PCDHGB4: variants seen among roughly 807,000 people sequenced by gnomAD.
The protein encoded by PCDHGB4 is protocadherin gamma subfamily B, 4, also known as protocadherin gamma-B4.
PCDHGB4 carries 38 observed loss-of-function variants against 60.5 expected under a neutral mutation model. The observed-to-expected ratio is 0.63, with a 90% CI of 0.48 to 0.82. PCDHGB4 has a LOEUF of 0.82. PCDHGB4 is among the 40% of genes least tolerant of loss of function. The pLI, the probability that PCDHGB4 is intolerant of heterozygous loss-of-function variation, is 0.00. For missense variants in PCDHGB4, 1,109 were observed against 1,209.6 expected, an observed-to-expected ratio of 0.92 and a Z score of 1.23; for synonymous variants, 456 against 509.7, an observed-to-expected ratio of 0.89 and a Z score of 1.42.
At chr5:141,427,188 A>G (rs1346514063) in intron 1 of PCDHGB4, 1 of 456,744 alleles carries the variant, frequency 2.2e-6, no homozygotes, top group Admixed American at 2.3e-5. Flanking sequence ...AATTAAATCC[A>G]AAGACTTAAT....
At chr5:141,497,468 G>A (rs912445126) in intron 2 of PCDHGB4, among the ~76,000 whole-genome samples, 10 of 151,996 alleles carry the variant, frequency 6.6e-5, no homozygotes, top group African/African-American at 2.4e-4. Flanking sequence ...GAGATATGGA[G>A]GAGAAGGTGC....
intron 1 of PCDHGB4, among the ~76,000 whole-genome samples, chr5:141,455,783 T>G (rs1475277198): frequency 1.3e-5 from 2 of 152,066 alleles, no homozygotes; most frequent in Non-Finnish European, 2.9e-5. Context: ...AAAAGAAACT[T>G]TTCCGGAGAT....
rs752744809 is a variant in PCDHGB4, at chr5:141,393,680, T to C, written c.2397+3399T>C. On this transcript the variant is annotated intron_variant, in intron 1 of 3. Coordinates refer to ENST00000519479, the MANE Select transcript of PCDHGB4 (RefSeq NM_003736.4). The stretch of plus-strand genomic sequence containing the variant: ...TCCGGAAAATTAATGAAAAACAAAC[T>C]CCGTTATTCCAGCTTAATGAAAATA... 8 of 1,613,764 alleles carry C rather than the reference T, an allele frequency of 5.0e-6. No individual in the cohort carries two copies. The East Asian group carries it at 1.1e-4, about 22-fold the overall frequency.
At chr5:141,427,826 G>A (rs550161736) in intron 1 of PCDHGB4, 2 of 1,536,500 alleles carry the variant, frequency 1.3e-6, no homozygotes, top group Admixed American at 3.3e-5. Flanking sequence ...TGGTGGTCGC[G>A]CAGCGTGCCT....
At chr5:141,399,842 A>G (rs749737928) in intron 1 of PCDHGB4, 11 of 1,612,852 alleles carry the variant, frequency 6.8e-6, no homozygotes, top group Non-Finnish European at 8.5e-7. Flanking sequence ...GCGCTCTTCG[A>G]TATGGTGCCG....
chr5:141,406,159 A>G (rs1237857279), intron 1 of PCDHGB4, among the ~76,000 whole-genome samples: 3 of 151,234 alleles, frequency 2.0e-5, no homozygotes, highest in Non-Finnish European at 2.9e-5. Context: ...TGCAGTCTCA[A>G]TCTCCTGGGC....
At chr5:141,393,230 A>G (rs2092708331) in intron 1 of PCDHGB4, 1 of 1,613,764 alleles carries the variant, frequency 6.2e-7, no homozygotes, top group Non-Finnish European at 8.5e-7. Context: ...AAGATCTAGA[A>G]GTAAAAATTA....
chr5:141,409,756 C>G, intron 1 of PCDHGB4: 1 of 1,612,994 alleles, frequency 6.2e-7, no homozygotes, highest in Non-Finnish European at 8.5e-7. Context: ...TCGCGCAGCG[C>G]GCCTTTGATC....
At chr5:141,400,017 C>T in intron 1 of PCDHGB4, 1 of 1,612,778 alleles carries the variant, frequency 6.2e-7, no homozygotes. Context: ...CCTTGGGCGA[C>T]AGGGACGCGG....
chr5:141,393,111 C>A (rs762190466), intron 1 of PCDHGB4: 1 of 1,613,380 alleles, frequency 6.2e-7, no homozygotes, highest in African/African-American at 1.3e-5. Flanking sequence ...CGCTCAGAGC[C>A]CGCGGTGTCT....
At position 141,423,418 on chromosome 5, in the gene PCDHGB4, G is replaced by T. The variant is rs1236092057; in HGVS notation, c.2397+33137G>T. On this transcript the variant is annotated intron_variant, in intron 1 of 3. Transcript: ENST00000519479. ...GTCACGCCTGCTGCAGGCTTCTGAAGGCGGGTTGGCAGGTATGCCCACGTC... is the reference window on the plus strand; with the variant it reads ...GTCACGCCTGCTGCAGGCTTCTGAATGCGGGTTGGCAGGTATGCCCACGTC... 1.2e-6 allele frequency: 2 copies of T among 1,614,022 alleles called. No individual in the cohort carries two copies. Among genetic ancestry groups the T allele is most frequent in the South Asian group, 1.1e-5 (1 of 91,088 alleles).
intron 1 of PCDHGB4, chr5:141,408,193 C>T (rs1280310689): frequency 6.5e-7 from 1 of 1,545,210 alleles, no homozygotes; most frequent in Non-Finnish European, 8.7e-7. Flanking sequence ...AGCGAGAACC[C>T]GAGCGAACGA....
At chr5:141,395,088 C>G (rs778953049) in intron 1 of PCDHGB4, 31 of 1,614,076 alleles carry the variant, frequency 1.9e-5, no homozygotes, top group East Asian at 6.7e-5. Flanking sequence ...GGAAGTCTCC[C>G]TCACCGCCGA....
chr5:141,444,013 C>T (rs1226458485), intron 1 of PCDHGB4, among the ~76,000 whole-genome samples: 2 of 152,060 alleles, frequency 1.3e-5, no homozygotes, highest in Admixed American at 6.6e-5. Flanking sequence ...TGGGTATTGG[C>T]TTCTAAAAGG....
At chr5:141,423,120 G>A in intron 1 of PCDHGB4, 1 of 1,613,800 alleles carries the variant, frequency 6.2e-7, no homozygotes. Flanking sequence ...GTACAGCGCG[G>A]GCACTGCTGG....
chr5:141,442,135 G>C lies in PCDHGB4; in HGVS notation c.2397+51854G>C, dbSNP rs868124128. 8 of 164,066 alleles carry C rather than the reference G, an allele frequency of 4.9e-5. 1 individual carries two copies. The highest frequency in any genetic ancestry group is 2.8e-4 in the South Asian group (2 of 7,026). 10.2% of individuals were successfully genotyped at this position (164,066 alleles called of 1,614,324 possible). On this transcript the variant is annotated intron_variant, in intron 1 of 3. Transcript: ENST00000519479. ...CCCTCGTCGCCGACAGCCTGCAGGA[G>C]ACTCTGCCAGACCTCAGCGATCACT...
chr5:141,413,283 C>A lies in PCDHGB4; in HGVS notation c.2397+23002C>A, dbSNP rs377443382. On this transcript the variant is annotated intron_variant, in intron 1 of 3. Coordinates refer to ENST00000519479, the MANE Select transcript of PCDHGB4 (RefSeq NM_003736.4). ...GGGAGGCTGGAGCCCGGCAGATCTC[C>A]TACTCAATTCCTGAGGAATTAGAGA... The A allele has an allele frequency of 3.6e-5, 58 of 1,613,848 alleles. No individual in the cohort carries two copies. The African/African-American group carries it at 7.6e-4, about 21-fold the overall frequency.
rs2097400915 is a variant in PCDHGB4, at chr5:141,431,619, A to G, written c.2397+41338A>G. The stretch of plus-strand genomic sequence containing the variant: ...TATTCCTTCCGGTATGTGGACGACA[A>G]GGCGGCCCAAGTTTTCAAACTAGAT... On this transcript the variant is annotated intron_variant, in intron 1 of 3. Coordinates refer to ENST00000519479, the MANE Select transcript of PCDHGB4 (RefSeq NM_003736.4). The surrounding 1 kb of genome is among the most constrained non-coding windows in gnomAD (Gnocchi z 4.8). 3.1e-6 allele frequency: 5 copies of G among 1,614,230 alleles called. No homozygotes were observed. The highest frequency in any genetic ancestry group is 4.5e-5 in the East Asian group (2 of 44,880).
chr5:141,404,021 A>C lies in PCDHGB4; in HGVS notation c.2397+13740A>C, dbSNP rs192150782. 5 of 1,613,894 alleles carry C rather than the reference A, an allele frequency of 3.1e-6. No individual in the cohort carries two copies. The African/African-American group carries it at 4.0e-5, about 13-fold the overall frequency. ...CATTACATCTCTGTTTAGCCCAGTG[A>C]GAGAAGACGCACCTCAGGGAACAGT... On this transcript the variant is annotated intron_variant, in intron 1 of 3. Coordinates refer to ENST00000519479, the MANE Select transcript of PCDHGB4 (RefSeq NM_003736.4).
Sources: gnomAD v4.1 joint callset for allele counts (sites outside exome capture counted in the v4.1 genomes callset) on GRCh38, gnomAD v4.1.1 for gene constraint, Gnocchi (gnomAD v3.1) non-coding constraint, MANE v1.5 for transcripts, NCBI Gene and HGNC (gene_info 2026-07-23, HGNC 2026-07-21) for gene names.